Variants in THSD7A observed in about 807,000 individuals in gnomAD.
THSD7A encodes thrombospondin type-1 domain-containing protein 7A.
A neutral mutation model predicts 231.3 loss-of-function variants in THSD7A; 96 were observed. That is an observed-to-expected ratio of 0.41 (90% confidence interval 0.35 to 0.49). THSD7A has a LOEUF of 0.49. Ranked by LOEUF, THSD7A falls within the 20% of genes least tolerant of loss-of-function variation. The pLI, the probability that THSD7A is intolerant of heterozygous loss-of-function variation, is 0.05. For synonymous variants in THSD7A, 940 were observed against 743.3 expected, an observed-to-expected ratio of 1.26 and a Z score of -4.30; for missense variants, 2,290 against 2,070.2, an observed-to-expected ratio of 1.11 and a Z score of -2.06.
rs150998854 is a variant in THSD7A, at chr7:11,573,439, A to G, written c.1453+17021T>C. On this transcript the variant is annotated intron_variant, in intron 4 of 27. Transcript: ENST00000423059. ...CCTTTGCTCAGCTACACCTGACACT[A>G]TTCTTGTCTTCACCTCCCTCTGTGG... 1.7e-3 allele frequency among the ~76,000 whole-genome samples: 252 copies of G among 152,254 alleles called. 2 individuals carry two copies. The highest frequency in any genetic ancestry group is 0.013 in the Admixed American group (199 of 15,298).
chr7:11,421,879 T>C (rs930884731), intron 16 of THSD7A, among the ~76,000 whole-genome samples: 1 of 152,238 alleles, frequency 6.6e-6, no homozygotes, highest in African/African-American at 2.4e-5. Flanking sequence ...CTTACAGGCT[T>C]TATTTTTGTT....
At chr7:11,414,087 G>GGTC (rs1222479486) in intron 17 of THSD7A, 1 of 152,178 alleles carries the variant, frequency 6.6e-6, no homozygotes, top group African/African-American at 2.4e-5. Flanking sequence ...GCAATACCCT[G>GGTC]GTCTTTATTT....
At chr7:11,740,255 G>A (rs1029213231) in intron 1 of THSD7A, among the ~76,000 whole-genome samples, 9 of 151,910 alleles carry the variant, frequency 5.9e-5, no homozygotes, top group African/African-American at 1.9e-4. Context: ...CATGATGGCC[G>A]GGACAAAATG....
intron 6 of THSD7A, among the ~76,000 whole-genome samples, chr7:11,519,849 G>A (rs930752369): frequency 1.3e-5 from 2 of 152,148 alleles, no homozygotes; most frequent in Non-Finnish European, 2.9e-5. Flanking sequence ...CCATCAGAAA[G>A]CATGCAAATC....
intron 1 of THSD7A, among the ~76,000 whole-genome samples, chr7:11,801,625 T>C (rs1784280564): frequency 6.6e-6 from 1 of 152,148 alleles, no homozygotes; most frequent in South Asian, 2.1e-4. Context: ...TATTAACACA[T>C]ATAACTTCAA....
At chr7:11,644,241 G>A (rs1268930232) in intron 1 of THSD7A, among the ~76,000 whole-genome samples, 2 of 151,864 alleles carry the variant, frequency 1.3e-5, no homozygotes, top group Middle Eastern at 3.2e-3. Flanking sequence ...GCAAACATGT[G>A]ATCTTAAATG....
intron 1 of THSD7A, among the ~76,000 whole-genome samples, chr7:11,699,031 G>A (rs1167163209): frequency 2.0e-5 from 3 of 147,990 alleles, no homozygotes; most frequent in South Asian, 2.1e-4. Context: ...CCAAGAGGCC[G>A]ATAACTAATT....
intron 7 of THSD7A, among the ~76,000 whole-genome samples, chr7:11,479,747 A>T (rs1352102885): frequency 1.3e-5 from 2 of 152,224 alleles, no homozygotes; most frequent in African/African-American, 4.8e-5. Flanking sequence ...GTCCACTAAT[A>T]GGTACTAAAT....
chr7:11,630,873 A>T (rs1183652978), intron 2 of THSD7A, among the ~76,000 whole-genome samples: 1 of 152,266 alleles, frequency 6.6e-6, no homozygotes, highest in South Asian at 2.1e-4. Context: ...GGTGAGCTGC[A>T]TCAGGTAGAG....
At chr7:11,512,963 A>ATAGATATATATATAT (rs1185122230) in intron 6 of THSD7A, among the ~76,000 whole-genome samples, 1 of 141,516 alleles carries the variant, frequency 7.1e-6, no homozygotes, top group African/African-American at 2.8e-5. Context: ...ATATATATGT[A>ATAGATATATATATAT]AAATACTACT....
intron 1 of THSD7A, among the ~76,000 whole-genome samples, chr7:11,769,149 A>ATTTTTTTTTCTTTTTT (rs1245740094): frequency 5.0e-4 from 18 of 36,292 alleles, no homozygotes; most frequent in Non-Finnish European, 9.8e-4. Flanking sequence ...ATATATATAT[A>ATTTTTTTTTCTTTTTT]TATATTTTTT....
chr7:11,647,813 G>A (rs1782339758), intron 1 of THSD7A, among the ~76,000 whole-genome samples: 1 of 152,046 alleles, frequency 6.6e-6, no homozygotes, highest in Non-Finnish European at 1.5e-5. Flanking sequence ...TTGGTCCTTA[G>A]CAATTGTAGT....
intron 24 of THSD7A, among the ~76,000 whole-genome samples, chr7:11,381,641 C>T (rs1439300924): frequency 6.6e-6 from 1 of 152,152 alleles, no homozygotes; most frequent in Non-Finnish European, 1.5e-5. Flanking sequence ...AAGACTCCTG[C>T]TGTTGCTATG....
intron 23 of THSD7A, among the ~76,000 whole-genome samples, chr7:11,395,756 G>A (rs112107618): frequency 0.014 from 2,117 of 152,050 alleles, 59 homozygotes; most frequent in African/African-American, 0.048. Context: ...TCAAACTACC[G>A]ACCTTGTAAT....
intron 2 of THSD7A, among the ~76,000 whole-genome samples, chr7:11,597,259 G>C (rs141007553): frequency 0.023 from 3,524 of 152,316 alleles, 135 homozygotes; most frequent in African/African-American, 0.081. Context: ...TGAAGGATAA[G>C]TTGCTGCATT....
intron 1 of THSD7A, among the ~76,000 whole-genome samples, chr7:11,765,855 G>A (rs377036945): frequency 2.1e-4 from 32 of 152,018 alleles, no homozygotes; most frequent in African/African-American, 7.0e-4. Flanking sequence ...CTTAAAAATA[G>A]GTCAGAACCT....
At chr7:11,605,735 C>G (rs1180806090) in intron 2 of THSD7A, among the ~76,000 whole-genome samples, 1 of 152,096 alleles carries the variant, frequency 6.6e-6, no homozygotes, top group East Asian at 1.9e-4. Context: ...ATTGGATAGG[C>G]TGGAGGAAAA....
intron 1 of THSD7A, among the ~76,000 whole-genome samples, chr7:11,683,497 AAAAG>A (rs1783947600): frequency 6.6e-6 from 1 of 151,984 alleles, no homozygotes; most frequent in Non-Finnish European, 1.5e-5. Context: ...ACAAAAGAGA[AAAAG>A]AAGATACAAA....
chr7:11,682,217 G>T (rs1322098163), intron 1 of THSD7A, among the ~76,000 whole-genome samples: 2 of 152,010 alleles, frequency 1.3e-5, no homozygotes, highest in African/African-American at 4.8e-5. Context: ...AAAGAAACTG[G>T]CTAATAACAC....
Sources: gnomAD v4.1 joint callset for allele counts (sites outside exome capture counted in the v4.1 genomes callset) on GRCh38, gnomAD v4.1.1 for gene constraint, MANE v1.5 for transcripts, NCBI Gene and HGNC (gene_info 2026-07-23, HGNC 2026-07-21) for gene names.